The following GPR132 variants were observed in gnomAD, a reference collection of about 807,000 sequenced individuals.
GPR132 encodes G protein-coupled receptor 132, also known as probable G protein-coupled receptor 132.
A neutral mutation model predicts 1.9 loss-of-function variants in GPR132; 4 were observed. The ratio of observed to expected loss-of-function variants is 2.13; its 90% CI spans 1.05 to 4.87. The LOEUF (loss-of-function observed/expected upper bound fraction) is 4.87. GPR132 is among the 30% of genes most tolerant of loss of function. GPR132 has a pLI of 0.01. For missense variants in GPR132, 404 were observed against 512.5 expected (o/e 0.79, Z 2.04); for synonymous variants, 233 against 234.2 (o/e 0.99, Z 0.05).
intron 1 of GPR132, among the ~76,000 whole-genome samples, chr14:105,064,345 T>A (rs1256263816): frequency 1.3e-5 from 2 of 151,830 alleles, no homozygotes; most frequent in East Asian, 3.9e-4. Context: ...ATTGTCAACT[T>A]TCTTATTTTT....
At position 105,051,587 on chromosome 14, in the gene GPR132, C is replaced by A. The variant is rs772827630; in HGVS notation, c.550G>T (p.Glu184Ter). 18 of 1,613,910 alleles carry A rather than the reference C, an allele frequency of 1.1e-5. No homozygotes were observed. The highest frequency in any genetic ancestry group is 1.5e-5 in the Non-Finnish European group (18 of 1,180,056). The part of the protein sequence containing the change: ...HYPVFQTEDK[E>*]TCFDMLQMDS... ...ATCTGCAGCATGTCAAAGCAGGTCT[C>A]CTTGTCTTCCGTCTGGAACACCGGG... The change falls in exon 4 of 4, where the codon GAG becomes TAG. Residue 184 changes from glutamate (E) to a stop codon, truncating the protein, a stop_gained. Coordinates refer to ENST00000329797, the MANE Select transcript of GPR132 (RefSeq NM_013345.4). LOFTEE classifies it low-confidence loss of function (END_TRUNC). This position sits in a 1 kb window ranked among gnomAD's most constrained non-coding sequence, Gnocchi z 8.0.
chr14:105,055,294 T>G lies in GPR132; in HGVS notation c.34+93A>C. 1 of 772,902 alleles carries G rather than the reference T, an allele frequency of 1.3e-6. No individual in the cohort carries two copies. Among genetic ancestry groups the G allele is most frequent in the Non-Finnish European group, 2.4e-6 (1 of 411,894 alleles). 47.9% of individuals were successfully genotyped at this position (772,902 alleles called of 1,614,324 possible). A position where few individuals can be genotyped will look rare whatever the true frequency, so the allele number is the denominator to read the frequency against. On this transcript the variant is annotated intron_variant, in intron 3 of 3. Transcript: ENST00000329797. This position sits in a 1 kb window ranked among gnomAD's most constrained non-coding sequence, Gnocchi z 4.7. ...GTGAGCCGAGATTGTGCCACTGCAC[T>G]CCAGCCTGGGCGATAGAGTGAGACT...
intron 1 of GPR132, among the ~76,000 whole-genome samples, chr14:105,064,727 T>C (rs1377829641): frequency 6.6e-6 from 1 of 152,164 alleles, no homozygotes; most frequent in East Asian, 1.9e-4. Flanking sequence ...AACTGGCCAG[T>C]CTTCAGTGGT....
Position 105,051,699 on chromosome 14 carries a change from G to GT in GPR132, c.437dup (p.Tyr146Ter). Residue 146 changes from tyrosine to a stop codon, truncating the protein, a stop_gained and frameshift_variant, in exon 4 of 4, where the codon TAC becomes TAAC. Transcript: ENST00000329797. LOFTEE classifies it low-confidence loss of function (END_TRUNC). The surrounding 1 kb of genome is among the most constrained non-coding windows in gnomAD (Gnocchi z 8.0). ...ISCDRFVAVVYALESRGRRRR... is the reference protein window; with the variant it reads ...ISCDRFVAVV Reference sequence around the variant, plus strand: ...GGCGGCGGCCCCGACTCTCCAGCGCGTACACCACGGCCACGAAGCGGTCGC... The same window carrying GT: ...GGCGGCGGCCCCGACTCTCCAGCGCGTTACACCACGGCCACGAAGCGGTCGC... The GT allele has an allele frequency of 6.2e-7, 1 of 1,614,000 alleles. No individual in the cohort carries two copies. Among genetic ancestry groups the GT allele is most frequent in the Non-Finnish European group, 8.5e-7 (1 of 1,180,042 alleles).
rs1886615697 is a variant in GPR132 at position 105,050,896 on chromosome 14, A to G, written c.*98T>C. The G allele has an allele frequency of 8.9e-7, 1 of 1,117,426 alleles. No individual in the cohort carries two copies. Among genetic ancestry groups the G allele is most frequent in the Non-Finnish European group, 1.3e-6 (1 of 774,640 alleles). 69.2% of individuals were successfully genotyped at this position (1,117,426 alleles called of 1,614,324 possible). A position where few individuals can be genotyped will look rare whatever the true frequency, so the allele number is the denominator to read the frequency against. On this transcript the variant is annotated 3_prime_UTR_variant, in exon 4 of 4. Coordinates refer to ENST00000329797, the MANE Select transcript of GPR132 (RefSeq NM_013345.4). The surrounding 1 kb of genome is among the most constrained non-coding windows in gnomAD (Gnocchi z 4.0). ...GAGAAATTGGTAGTTTGTCTTCCAGAGGGGACATGGGCACTGTGGCTGGTG... is the reference window on the plus strand; with the variant it reads ...GAGAAATTGGTAGTTTGTCTTCCAGGGGGGACATGGGCACTGTGGCTGGTG...
In GPR132 at chr14:105,050,673, C is replaced by T. The variant is rs773594076; in HGVS notation, c.*321G>A. 37 of 434,446 alleles carry T rather than the reference C, an allele frequency of 8.5e-5. No individual in the cohort carries two copies. The highest frequency in any genetic ancestry group is 6.3e-5 in the Non-Finnish European group (15 of 238,642). The allele number at this position is 434,446 out of a possible 1,614,324, so 26.9% of individuals were successfully genotyped here. A position where few individuals can be genotyped will look rare whatever the true frequency, so the allele number is the denominator to read the frequency against. ...TGCGAACAGGGCAGCCACCAGGTAC[C>T]TCTGCCAGCAGGCGTGCTACCTGCC... On this transcript the variant is annotated 3_prime_UTR_variant, in exon 4 of 4. Transcript: ENST00000329797. The surrounding 1 kb of genome is among the most constrained non-coding windows in gnomAD (Gnocchi z 4.0).
At chr14:105,057,513 T>A in intron 1 of GPR132, 3 of 42,702 alleles carry the variant, frequency 7.0e-5, no homozygotes, top group East Asian at 2.9e-4. Flanking sequence ...ATACGATTCT[T>A]TTTTTTTTTT....
chr14:105,062,904 CTT>C (rs1042228209), intron 1 of GPR132, among the ~76,000 whole-genome samples: 1 of 151,794 alleles, frequency 6.6e-6, no homozygotes, highest in African/African-American at 2.4e-5. Flanking sequence ...CCCTCTCTCT[CTT>C]GCTTTATTTG....
Position 105,051,768 on chromosome 14 carries a change from G to C in GPR132, c.369C>G (p.Phe123Leu). 1.2e-6 allele frequency: 2 copies of C among 1,614,222 alleles called. No individual in the cohort carries two copies. Among genetic ancestry groups the C allele is most frequent in the Non-Finnish European group, 1.7e-6 (2 of 1,180,050 alleles). Residue 123 changes from phenylalanine (F) to leucine (L), a missense_variant, in exon 4 of 4, where the codon TTC becomes TTG. Transcript: ENST00000329797. This position sits in a 1 kb window ranked among gnomAD's most constrained non-coding sequence, Gnocchi z 8.0. ...AGAGGATGCTGACGTAGATGTTGCA[G>C]AAGAAGATGTAGGCGGTCACCTTGC... ...LACKVTAYIF[F>L]CNIYVSILFL...
chr14:105,060,267 T>G lies in GPR132; in HGVS notation c.-860-2987A>C, dbSNP rs947901268. Among the ~76,000 whole-genome samples, 10 of 152,170 alleles carry G rather than the reference T, an allele frequency of 6.6e-5. No individual in the cohort carries two copies. The highest frequency in any genetic ancestry group is 2.4e-4 in the African/African-American group (10 of 41,426). On this transcript the variant is annotated intron_variant, in intron 1 of 3. Coordinates refer to ENST00000329797, the MANE Select transcript of GPR132 (RefSeq NM_013345.4). The surrounding 1 kb of genome is among the most constrained non-coding windows in gnomAD (Gnocchi z 6.3). The stretch of plus-strand genomic sequence containing the variant: ...CAAGAGATGCAGGGCTCTCTGGCCA[T>G]GCCCAAAACAGAGGGGTCAGTAGGT...
At chr14:105,052,919 G>T (rs1366760096) in intron 3 of GPR132, among the ~76,000 whole-genome samples, 1 of 150,306 alleles carries the variant, frequency 6.7e-6, no homozygotes, top group Admixed American at 6.6e-5. Flanking sequence ...AGATCGTGCC[G>T]CTGTACTCCA....
chr14:105,054,782 G>A (rs989545242), intron 3 of GPR132, among the ~76,000 whole-genome samples: 1 of 147,726 alleles, frequency 6.8e-6, no homozygotes, highest in Non-Finnish European at 1.5e-5. Flanking sequence ...GCTCACGCCT[G>A]TAATCCCAGC....
chr14:105,051,201 C>A lies in GPR132; in HGVS notation c.936G>T (p.Thr312=). 6.2e-7 allele frequency: 1 copy of A among 1,614,066 alleles called. No individual in the cohort carries two copies. Among genetic ancestry groups the A allele is most frequent in the Admixed American group, 1.7e-5 (1 of 60,016 alleles). The change falls in exon 4 of 4, where the codon ACG becomes ACT. Residue 312 remains threonine (T), a synonymous_variant. Transcript: ENST00000329797. This position sits in a 1 kb window ranked among gnomAD's most constrained non-coding sequence, Gnocchi z 8.0. The part of the protein sequence containing the change: ...VADPIIYVLA[T]DHSRQEVSRI... ...TGGACACTTCTTGGCGGGAATGGTC[C>A]GTGGCCAGCACGTAGATAATGGGGT... is the stretch of plus-strand genomic sequence containing the variant.
At chr14:105,054,049 C>A in intron 3 of GPR132, 1 of 1,288,270 alleles carries the variant, frequency 7.8e-7, no homozygotes. Context: ...CCACCAGCTC[C>A]AGTGTCCTGG....
intron 1 of GPR132, among the ~76,000 whole-genome samples, chr14:105,061,780 C>T (rs940130358): frequency 3.3e-5 from 5 of 152,152 alleles, no homozygotes; most frequent in African/African-American, 1.2e-4. Context: ...GCATGGGGAC[C>T]GTCCCTTCCT....
In GPR132 at chr14:105,056,351, T is replaced by C. The variant is rs950649435; in HGVS notation, c.-746-185A>G. 2.6e-5 allele frequency among the ~76,000 whole-genome samples: 4 copies of C among 152,112 alleles called. No individual in the cohort carries two copies. The highest frequency in any genetic ancestry group is 5.9e-5 in the Non-Finnish European group (4 of 68,006). On this transcript the variant is annotated intron_variant, in intron 2 of 3. Transcript: ENST00000329797. The surrounding 1 kb of genome is among the most constrained non-coding windows in gnomAD (Gnocchi z 6.0). ...GATGGCTCTTTTCCCATCAAACGAG[T>C]GCCCCAGCCCCGCTGTGCGAGTCCT...
chr14:105,054,539 T>C (rs902582691), intron 3 of GPR132: 3 of 381,372 alleles, frequency 7.9e-6, no homozygotes, highest in African/African-American at 2.2e-5. Flanking sequence ...CAAGTGATTC[T>C]CCTGCCTCAG....
intron 3 of GPR132, chr14:105,054,385 C>G: frequency 2.0e-6 from 2 of 984,878 alleles, no homozygotes; most frequent in Non-Finnish European, 2.4e-6. Flanking sequence ...TCACCCCGAA[C>G]GGGGTCAGCC....
At position 105,051,996 on chromosome 14, in the gene GPR132, C is replaced by T. The variant is rs1158511452; in HGVS notation, c.141G>A (p.Val47=). ...SFEESRIVLV[V]VYSAVCTLGV... ...CCAGCGTGCACACCGCGCTGTACAC[C>T]ACGACCAGGACTATCCTGCTCTCTT... The change falls in exon 4 of 4, where the codon GTG becomes GTA. Residue 47 remains valine (V), a synonymous_variant. Coordinates refer to ENST00000329797, the MANE Select transcript of GPR132 (RefSeq NM_013345.4). The surrounding 1 kb of genome is among the most constrained non-coding windows in gnomAD (Gnocchi z 8.0). 4 of 1,612,846 alleles carry T rather than the reference C, an allele frequency of 2.5e-6. No homozygotes were observed. Among genetic ancestry groups the T allele is most frequent in the African/African-American group, 1.3e-5 (1 of 74,950 alleles).
Sources: allele counts gnomAD v4.1 joint callset (sites outside exome capture counted in the v4.1 genomes callset), GRCh38; gene constraint gnomAD v4.1.1; non-coding constraint Gnocchi (gnomAD v3.1); transcripts MANE v1.5; gene names NCBI Gene and HGNC (gene_info 2026-07-23, HGNC 2026-07-21).